AP3S1: variants seen among roughly 807,000 people sequenced by gnomAD.
The protein encoded by AP3S1 is AP-3 complex subunit sigma-1.
A neutral mutation model predicts 21.3 loss-of-function variants in AP3S1; 12 were observed. That is an observed-to-expected ratio of 0.56 (90% CI 0.36 to 0.91). The LOEUF (loss-of-function observed/expected upper bound fraction) is 0.91. Ranked by LOEUF, AP3S1 falls within the 40% of genes least tolerant of loss-of-function variation. The pLI is 0.01. For synonymous variants in AP3S1, 48 were observed against 78.4 expected, an observed-to-expected ratio of 0.61 and a Z score of 2.05; for missense variants, 116 against 225.0, an observed-to-expected ratio of 0.52 and a Z score of 3.10.
chr5:115,843,467 A>G (rs1021179886), intron 1 of AP3S1, among the ~76,000 whole-genome samples: 2 of 152,338 alleles, frequency 1.3e-5, no homozygotes, highest in East Asian at 1.9e-4. Context: ...TATAACTTCA[A>G]TACTAATGGT....
At chr5:115,859,780 CAG>C (rs1326748394) in intron 1 of AP3S1, among the ~76,000 whole-genome samples, 1 of 152,180 alleles carries the variant, frequency 6.6e-6, no homozygotes, top group Non-Finnish European at 1.5e-5. Context: ...AGAGTTCCTA[CAG>C]AGTTATGTTC....
intron 3 of AP3S1, among the ~76,000 whole-genome samples, chr5:115,891,265 A>C (rs1186413068): frequency 3.9e-5 from 6 of 152,114 alleles, no homozygotes; most frequent in Non-Finnish European, 8.8e-5. Flanking sequence ...TTCCACAGTC[A>C]CTCAGTACAA....
rs190300429 is a variant in AP3S1 at position 115,880,741 on chromosome 5, G to A, written c.273+10613G>A. 3.6e-4 allele frequency among the ~76,000 whole-genome samples: 55 copies of A among 152,220 alleles called. 1 individual carries two copies. The highest frequency in any genetic ancestry group is 3.4e-3 in the Middle Eastern group (1 of 292). ...CCACTTGGTCCACAGCTGAGTTGAA[G>A]TTCCGAATATCCTTGTTAATTTTCT... On this transcript the variant is annotated intron_variant, in intron 3 of 5. Transcript: ENST00000316788.
chr5:115,903,189 A>G (rs1751365891), intron 5 of AP3S1, 197 bp downstream of exon 5: 4 of 406,636 alleles, frequency 9.8e-6, no homozygotes, highest in Non-Finnish European at 1.8e-5. Flanking sequence ...AGCTTTGTGT[A>G]TTCTTCTTTT....
At chr5:115,875,414 C>T (rs532190557) in intron 3 of AP3S1, among the ~76,000 whole-genome samples, 1 of 152,292 alleles carries the variant, frequency 6.6e-6, no homozygotes, top group South Asian at 2.1e-4. Flanking sequence ...AATTATGGTT[C>T]TCATCTATCA....
At chr5:115,896,794 T>A (rs1191484887) in intron 4 of AP3S1, among the ~76,000 whole-genome samples, 4 of 151,978 alleles carry the variant, frequency 2.6e-5, no homozygotes, top group Non-Finnish European at 4.4e-5. Flanking sequence ...AAGAAAAAAA[T>A]TTATGTTTTG....
At chr5:115,877,535 C>G (rs1748840574) in intron 3 of AP3S1, among the ~76,000 whole-genome samples, 1 of 152,154 alleles carries the variant, frequency 6.6e-6, no homozygotes, top group South Asian at 2.1e-4. Context: ...AGGAACTCAT[C>G]CTTTTTATGG....
chr5:115,859,536 A>C (rs1440428351), intron 1 of AP3S1, among the ~76,000 whole-genome samples: 2 of 152,210 alleles, frequency 1.3e-5, no homozygotes, highest in Non-Finnish European at 2.9e-5. Flanking sequence ...ACATGATGTC[A>C]CCAAATGCAG....
intron 3 of AP3S1, among the ~76,000 whole-genome samples, chr5:115,893,811 A>G (rs1750525272): frequency 6.6e-6 from 1 of 152,176 alleles, no homozygotes; most frequent in East Asian, 1.9e-4. Flanking sequence ...TTACATTATA[A>G]TAATGTTGCA....
chr5:115,863,329 G>A (rs1007070198), intron 1 of AP3S1, among the ~76,000 whole-genome samples: 34 of 152,054 alleles, frequency 2.2e-4, no homozygotes, highest in African/African-American at 5.8e-4. Flanking sequence ...CCCAGGAGGC[G>A]GAGGTTGCAG....
intron 3 of AP3S1, among the ~76,000 whole-genome samples, chr5:115,877,560 A>G (rs1014016822): frequency 1.3e-5 from 2 of 152,150 alleles, no homozygotes; most frequent in South Asian, 2.1e-4. Context: ...ATAGTATTCC[A>G]TGGTGTATGT....
intron 1 of AP3S1, among the ~76,000 whole-genome samples, chr5:115,862,958 A>G (rs961822142): frequency 2.6e-5 from 4 of 152,198 alleles, no homozygotes; most frequent in African/African-American, 4.8e-5. Context: ...CAAAAGGACT[A>G]TTGTAAAGAA....
At chr5:115,846,190 A>G (rs1158004981) in intron 1 of AP3S1, among the ~76,000 whole-genome samples, 1 of 152,140 alleles carries the variant, frequency 6.6e-6, no homozygotes, top group African/African-American at 2.4e-5. Context: ...TTCTTTTTTT[A>G]TAGAGAAAAG....
chr5:115,847,238 T>G (rs1488835398), intron 1 of AP3S1, among the ~76,000 whole-genome samples: 2 of 152,210 alleles, frequency 1.3e-5, no homozygotes, highest in African/African-American at 2.4e-5. Flanking sequence ...AAAATGGATA[T>G]TCTGTTGGAA....
rs61102524 is a variant in AP3S1, at chr5:115,910,180, A to G, written c.454-3182A>G. Among the ~76,000 whole-genome samples, 1,070 of 151,268 alleles carry G rather than the reference A, an allele frequency of 7.1e-3. 15 individuals carry two copies. The highest frequency in any genetic ancestry group is 0.025 in the African/African-American group (1,036 of 41,152). On this transcript the variant is annotated intron_variant, in intron 5 of 5. Transcript: ENST00000316788. Reference sequence around the variant, plus strand: ...TATTCAGGAGACAGATGGGAAGATCACTTGAGCCCAGGAGTTCAAGGCTGC... The same window carrying G: ...TATTCAGGAGACAGATGGGAAGATCGCTTGAGCCCAGGAGTTCAAGGCTGC...
At chr5:115,903,607 A>G (rs1243127995) in intron 5 of AP3S1, 1 of 152,376 alleles carries the variant, frequency 6.6e-6, no homozygotes, top group Non-Finnish European at 1.5e-5. Flanking sequence ...ATTGCATTCT[A>G]TAAGATCGGT....
At chr5:115,908,984 A>G (rs762988575) in intron 5 of AP3S1, 88 of 984,806 alleles carry the variant, frequency 8.9e-5, no homozygotes, top group Non-Finnish European at 1.0e-4. Flanking sequence ...TGTTAGGTCA[A>G]AATTATGAAT....
At chr5:115,900,973 A>G (rs562250409) in intron 4 of AP3S1, among the ~76,000 whole-genome samples, 2 of 152,308 alleles carry the variant, frequency 1.3e-5, no homozygotes, top group South Asian at 4.1e-4. Flanking sequence ...AGATCTCATT[A>G]TAAAAATATG....
intron 5 of AP3S1, chr5:115,906,969 C>G (rs887489733): frequency 6.0e-6 from 8 of 1,322,580 alleles, no homozygotes; most frequent in African/African-American, 6.0e-5. Flanking sequence ...GTTAATAAAC[C>G]CATATAGTCC....
Sources: allele counts gnomAD v4.1 joint callset (sites outside exome capture counted in the v4.1 genomes callset), GRCh38; gene constraint gnomAD v4.1.1; transcripts MANE v1.5; gene names NCBI Gene and HGNC (gene_info 2026-07-23, HGNC 2026-07-21).